Variants in VCAN observed in about 807,000 individuals in gnomAD.
VCAN encodes versican.
A neutral mutation model predicts 245.5 loss-of-function variants in VCAN; 44 were observed. The ratio of observed to expected loss-of-function variants is 0.18; its 90% confidence interval spans 0.14 to 0.23. VCAN has a LOEUF of 0.23. VCAN is among the 10% of genes least tolerant of loss of function. The pLI is 1.00. For synonymous variants in VCAN, 1,413 were observed against 1,437.0 expected, an observed-to-expected ratio of 0.98 and a Z score of 0.38; for missense variants, 3,793 against 4,057.9, an observed-to-expected ratio of 0.93 and a Z score of 1.77.
intron 13 of VCAN, among the ~76,000 whole-genome samples, chr5:83,576,350 T>G (rs1439001047): frequency 1.3e-5 from 2 of 152,206 alleles, no homozygotes; most frequent in African/African-American, 4.8e-5. Flanking sequence ...CTCTTTTTTT[T>G]GTTCAGCATT....
chr5:83,574,291 T>C (rs761504823), intron 13 of VCAN, among the ~76,000 whole-genome samples: 1 of 152,204 alleles, frequency 6.6e-6, no homozygotes, highest in Non-Finnish European at 1.5e-5. Context: ...TAATGCTCTA[T>C]TAGGTTTCTA....
Position 83,540,436 on chromosome 5 carries a change from C to T in VCAN, c.7433C>T (p.Thr2478Ile), listed in dbSNP as rs778908221. The T allele has an allele frequency of 6.2e-7, 1 of 1,614,028 alleles. No individual in the cohort carries two copies. Among genetic ancestry groups the T allele is most frequent in the Non-Finnish European group, 8.5e-7 (1 of 1,179,966 alleles). Residue 2478 changes from threonine to isoleucine, a missense_variant, in exon 8 of 15, where the codon ACT (threonine) becomes ATT (isoleucine). Coordinates refer to ENST00000265077, the MANE Select transcript of VCAN (RefSeq NM_004385.5). ...GAGGTGCCAAGCGCTAAAGCTGTTA[C>T]TGCTGATGGATTCCCAACAGTTTCA... is the stretch of plus-strand genomic sequence containing the variant. Reference protein sequence around the residue: ...HPEVPSAKAVTADGFPTVSVM... With the variant: ...HPEVPSAKAVIADGFPTVSVM...
chr5:83,472,438 G>T (rs1305454984), intron 1 of VCAN, among the ~76,000 whole-genome samples: 1 of 152,110 alleles, frequency 6.6e-6, no homozygotes, highest in Non-Finnish European at 1.5e-5. Context: ...GTTTGAATGG[G>T]GACTACCAAG....
At chr5:83,549,432 GA>G (rs1311502077) in intron 10 of VCAN, among the ~76,000 whole-genome samples, 2 of 152,086 alleles carry the variant, frequency 1.3e-5, no homozygotes, top group Non-Finnish European at 2.9e-5. Context: ...AAGGCTCAGA[GA>G]AAAAAAGTGA....
Position 83,521,289 on chromosome 5 carries a change from G to A in VCAN, c.2983G>A (p.Glu995Lys). 1 of 1,614,066 alleles carries A rather than the reference G, an allele frequency of 6.2e-7. No individual in the cohort carries two copies. ...AGTACCTTCTGTTCCATCAGAAGATGAAGTTCTAGGTGAACCCTCTCAAGA... is the reference window on the plus strand; with the variant it reads ...AGTACCTTCTGTTCCATCAGAAGATAAAGTTCTAGGTGAACCCTCTCAAGA... ...VLVPSVPSED[E>K]VLGEPSQDIL... The change falls in exon 7 of 15, where the codon GAA becomes AAA. Residue 995 changes from glutamate to lysine, a missense_variant. This residue lies in a region of VCAN where 3,182 missense variants were observed against 3,250.3 expected (regional missense o/e 0.98). Coordinates refer to ENST00000265077, the MANE Select transcript of VCAN (RefSeq NM_004385.5).
intron 5 of VCAN, among the ~76,000 whole-genome samples, chr5:83,511,112 G>A (rs1235982260): frequency 1.3e-5 from 2 of 151,880 alleles, no homozygotes; most frequent in Non-Finnish European, 2.9e-5. Context: ...TCCATCTGGG[G>A]CCCGAGTGAG....
intron 1 of VCAN, among the ~76,000 whole-genome samples, chr5:83,473,691 T>G (rs1450512131): frequency 6.6e-6 from 1 of 152,170 alleles, no homozygotes; most frequent in African/African-American, 2.4e-5. Flanking sequence ...CCTAGATGTC[T>G]AGGAATTGGG....
intron 5 of VCAN, among the ~76,000 whole-genome samples, chr5:83,507,869 CT>C (rs759528012): frequency 6.6e-6 from 1 of 152,130 alleles, no homozygotes; most frequent in Non-Finnish European, 1.5e-5. Flanking sequence ...ATGTTAACAT[CT>C]TGATTGCTTT....
Position 83,471,807 on chromosome 5 carries a change from G to C in VCAN, c.-223G>C, listed in dbSNP as rs1744196038. The C allele has an allele frequency of 5.0e-6, 2 of 398,582 alleles. No individual in the cohort carries two copies. Among genetic ancestry groups the C allele is most frequent in the Non-Finnish European group, 4.4e-6 (1 of 226,168 alleles). The allele number at this position is 398,582 out of a possible 1,614,324, so 24.7% of individuals were successfully genotyped here. A position where few individuals can be genotyped will look rare whatever the true frequency, so the allele number is the denominator to read the frequency against. On this transcript the variant is annotated 5_prime_UTR_variant, in exon 1 of 15. Coordinates refer to ENST00000265077, the MANE Select transcript of VCAN (RefSeq NM_004385.5). ...GGGGAAGAACTCCAGGCGTGCGGAC[G>C]CAACAGCCGAGAACATTAGGTGTTG...
At position 83,539,963 on chromosome 5, in the gene VCAN, C is replaced by T. The variant is rs1746901342; in HGVS notation, c.6960C>T (p.Ile2320=). The T allele has an allele frequency of 1.2e-6, 2 of 1,614,086 alleles. No homozygotes were observed. The highest frequency in any genetic ancestry group is 1.1e-5 in the South Asian group (1 of 91,074). The change falls in exon 8 of 15, where the codon ATC becomes ATT. Residue 2320 remains isoleucine (I), a synonymous_variant. Coordinates refer to ENST00000265077, the MANE Select transcript of VCAN (RefSeq NM_004385.5). Reference sequence around the variant, plus strand: ...GACCACTCGTATCTCAAACAGACATCTTTGAAGGTAGTGGGTCAGTAACCA... The same window carrying T: ...GACCACTCGTATCTCAAACAGACATTTTTGAAGGTAGTGGGTCAGTAACCA... ...EVGPLVSQTD[I]FEGSGSVTST... is the part of the protein sequence containing the mutation.
chr5:83,537,624 T>C lies in VCAN; in HGVS notation c.4621T>C (p.Ser1541Pro). The change falls in exon 8 of 15, where the codon TCT (serine) becomes CCT (proline). Residue 1541 changes from serine to proline, a missense_variant. Ser to Pro is a moderately conservative substitution (Grantham distance 74). This residue lies in a region of VCAN where 3,182 missense variants were observed against 3,250.3 expected (regional missense o/e 0.98). Transcript: ENST00000265077. Reference sequence around the variant, plus strand: ...GGCACATGAACATACTGAACCTGTATCTCTGTTTCCTGAAGAGTCTTCAGG... The same window carrying C: ...GGCACATGAACATACTGAACCTGTACCTCTGTTTCCTGAAGAGTCTTCAGG... ...HQAHEHTEPV[S>P]LFPEESSGEI... The C allele has an allele frequency of 6.2e-7, 1 of 1,613,832 alleles. No homozygotes were observed. The highest frequency in any genetic ancestry group is 8.5e-7 in the Non-Finnish European group (1 of 1,179,922).
chr5:83,489,811 C>CTTT (rs11389823), intron 2 of VCAN, among the ~76,000 whole-genome samples: 11 of 147,114 alleles, frequency 7.5e-5, no homozygotes, highest in Non-Finnish European at 1.2e-4. Context: ...TTATGCTTGC[C>CTTT]TTTTTTTTTT....
intron 11 of VCAN, among the ~76,000 whole-genome samples, chr5:83,554,698 T>C (rs1181126060): frequency 3.9e-5 from 6 of 152,144 alleles, no homozygotes; most frequent in Admixed American, 3.3e-4. Flanking sequence ...AATTTAATTA[T>C]AGTAAATTGC....
intron 5 of VCAN, among the ~76,000 whole-genome samples, chr5:83,503,442 A>G (rs1745392816): frequency 6.6e-6 from 1 of 152,196 alleles, no homozygotes; most frequent in African/African-American, 2.4e-5. Flanking sequence ...CTTATACACC[A>G]TTTTGACCCA....
Position 83,494,733 on chromosome 5 carries a change from G to A in VCAN, c.748+802G>A, listed in dbSNP as rs573557701. On this transcript the variant is annotated intron_variant, in intron 5 of 14. Transcript: ENST00000265077. Reference sequence around the variant, plus strand: ...TTTGGGAGAGCTAGGTGGGAAGATAGCTTCAGTTCAGGAGTTTGAGACCAG... The same window carrying A: ...TTTGGGAGAGCTAGGTGGGAAGATAACTTCAGTTCAGGAGTTTGAGACCAG... Among the ~76,000 whole-genome samples, 8 of 152,346 alleles carry A rather than the reference G, an allele frequency of 5.3e-5. No homozygotes were observed. In the East Asian group the frequency reaches 1.2e-3, roughly 22 times the overall value.
chr5:83,521,901 A>G lies in VCAN; in HGVS notation c.3595A>G (p.Ile1199Val), dbSNP rs751602505. 4 of 1,614,078 alleles carry G rather than the reference A, an allele frequency of 2.5e-6. No individual in the cohort carries two copies. The highest frequency in any genetic ancestry group is 2.7e-5 in the African/African-American group (2 of 74,932). Residue 1199 changes from isoleucine (I) to valine (V), a missense_variant, in exon 7 of 15, where the codon ATC becomes GTC. Physicochemically the swap from Ile to Val is conservative, Grantham distance 29 (BLOSUM62 3). This residue lies in a region of VCAN where 3,182 missense variants were observed against 3,250.3 expected (regional missense o/e 0.98). Transcript: ENST00000265077. ...KATELIEFST[I>V]KVTVPSDITT... is the part of the protein sequence containing the mutation. ...CACAGAACTCATAGAATTTTCAACA[A>G]TCAAAGTCACAGTTCCAAGTGATAT...
Position 83,539,549 on chromosome 5 carries a change from T to C in VCAN, c.6546T>C (p.Thr2182=), listed in dbSNP as rs1267633225. Residue 2182 remains threonine (T), a synonymous_variant, in exon 8 of 15, where the codon ACT becomes ACC. Coordinates refer to ENST00000265077, the MANE Select transcript of VCAN (RefSeq NM_004385.5). ...ACACTTCTTTAGTTAACATGTCTAC[T>C]CCAGATCCAGATGCAAATGGCTTGG... ...EEDTSLVNMS[T]PDPDANGLES... 4 of 1,614,078 alleles carry C rather than the reference T, an allele frequency of 2.5e-6. No individual in the cohort carries two copies. Among genetic ancestry groups the C allele is most frequent in the Non-Finnish European group, 3.4e-6 (4 of 1,179,990 alleles).
At chr5:83,528,928 G>T (rs1247301468) in intron 7 of VCAN, among the ~76,000 whole-genome samples, 1 of 147,744 alleles carries the variant, frequency 6.8e-6, no homozygotes, top group Non-Finnish European at 1.5e-5. Flanking sequence ...TATATGGAAT[G>T]ATATTTCCTA....
intron 12 of VCAN, among the ~76,000 whole-genome samples, chr5:83,565,421 G>GTGTGTGTGTA (rs1233607205): frequency 2.0e-5 from 2 of 97,922 alleles, no homozygotes; most frequent in Admixed American, 1.9e-4. Context: ...GTGTGTGTGT[G>GTGTGTGTGTA]TGTGTATGTG....
Sources: gnomAD v4.1 joint callset for allele counts (sites outside exome capture counted in the v4.1 genomes callset) on GRCh38, gnomAD v4.1.1 for gene constraint, gnomAD v4.1.1 regional missense constraint, MANE v1.5 for transcripts, NCBI Gene and HGNC (gene_info 2026-07-23, HGNC 2026-07-21) for gene names.